The following IL17D variants were observed in gnomAD, a reference collection of about 807,000 sequenced individuals.
IL17D encodes interleukin-17D.
In IL17D, 10 loss-of-function variants were observed where a neutral mutation model predicts 5.7. The observed-to-expected ratio is 1.75, with a 90% CI of 1.08 to 2.97. IL17D has a LOEUF of 2.97. Ranked by LOEUF, IL17D falls within the 30% of genes most tolerant of loss-of-function variation. IL17D has a pLI of 0.00. For synonymous variants in IL17D, 172 were observed against 141.7 expected, an observed-to-expected ratio of 1.21 and a Z score of -1.52; for missense variants, 354 against 292.7, an observed-to-expected ratio of 1.21 and a Z score of -1.53.
Position 20,722,014 on chromosome 13 carries a change from C to A in IL17D, c.*60C>A. 7.1e-7 allele frequency: 1 copy of A among 1,408,450 alleles called. No individual in the cohort carries two copies. The highest frequency in any genetic ancestry group is 1.4e-5 in the South Asian group (1 of 70,722). The allele number at this position is 1,408,450 out of a possible 1,614,324, so 87.2% of individuals were successfully genotyped here. A position where few individuals can be genotyped will look rare whatever the true frequency, so the allele number is the denominator to read the frequency against. On this transcript the variant is annotated 3_prime_UTR_variant, in exon 2 of 2. Transcript: ENST00000682841. ...CATCCCGAGGCGCCCAAGCTGGAGC[C>A]GCCTGGAGGGCTCGGTCGGCGACCT...
rs1039099638 is a variant in IL17D at position 20,722,072 on chromosome 13, G to A, written c.*118G>A. The A allele has an allele frequency of 6.1e-6, 5 of 815,326 alleles. No individual in the cohort carries two copies. The highest frequency in any genetic ancestry group is 1.8e-5 in the African/African-American group (1 of 55,990). The allele number at this position is 815,326 out of a possible 1,614,324, so 50.5% of individuals were successfully genotyped here. On this transcript the variant is annotated 3_prime_UTR_variant, in exon 2 of 2. Coordinates refer to ENST00000682841, the MANE Select transcript of IL17D (RefSeq NM_001385224.1). The stretch of plus-strand genomic sequence containing the variant: ...GAGTGCACCGAGCAAACCAAGTGCC[G>A]GAGCACCAGCGCCGCCTTTCCATGG...
Position 20,704,308 on chromosome 13 carries a change from T to C in IL17D, c.290+17T>C, listed in dbSNP as rs1191015604. 4 of 904,476 alleles carry C rather than the reference T, an allele frequency of 4.4e-6. No individual in the cohort carries two copies. 56.0% of individuals were successfully genotyped at this position (904,476 alleles called of 1,614,324 possible). ...GGCCTACAGGTGAGCCGCGGGCGCGTCCTGGCGGGGCCCGGCAGGTGGGGA... is the reference window on the plus strand; with the variant it reads ...GGCCTACAGGTGAGCCGCGGGCGCGCCCTGGCGGGGCCCGGCAGGTGGGGA... On this transcript the variant is annotated intron_variant, in intron 1 of 1. Transcript: ENST00000682841.
chr13:20,717,656 C>CGCGGCACCCCCCTTA (rs1391152906), intron 1 of IL17D, among the ~76,000 whole-genome samples: 1 of 152,190 alleles, frequency 6.6e-6, no homozygotes, highest in African/African-American at 2.4e-5. Context: ...ATGGTAGATG[C>CGCGGCACCCCCCTTA]GCGGCACCCC....
At chr13:20,712,611 C>G (rs2058648150) in intron 1 of IL17D, 1 of 152,098 alleles carries the variant, frequency 6.6e-6, no homozygotes, top group Non-Finnish European at 1.5e-5. Context: ...CCCATTTATC[C>G]TCTACCCCTT....
chr13:20,705,982 G>A (rs564917307), intron 1 of IL17D, among the ~76,000 whole-genome samples: 2 of 152,254 alleles, frequency 1.3e-5, no homozygotes, highest in South Asian at 2.1e-4. Context: ...TCTCCCTGCC[G>A]GCTGCTGGGT....
chr13:20,703,594 C>CG, upstream of IL17D: 1 of 214,218 alleles, frequency 4.7e-6, no homozygotes, highest in South Asian at 1.6e-4. Context: ...GGGGCTCCCT[C>CG]GCTGGCGGCG....
At chr13:20,701,693 T>C (rs998043688), upstream of IL17D, 5 of 152,126 alleles carry the variant, frequency 3.3e-5, no homozygotes, top group East Asian at 9.6e-4. Context: ...ATGTCTTAGG[T>C]TTGAACTTAC....
intron 1 of IL17D, among the ~76,000 whole-genome samples, chr13:20,706,223 T>G (rs1005113804): frequency 1.3e-5 from 2 of 152,186 alleles, no homozygotes; most frequent in African/African-American, 2.4e-5. Flanking sequence ...TTCATTCTGG[T>G]ATCTTGGTGC....
chr13:20,722,328 C>A lies in IL17D; in HGVS notation c.*374C>A. 1 of 234,362 alleles carries A rather than the reference C, an allele frequency of 4.3e-6. No homozygotes were observed. The allele number at this position is 234,362 out of a possible 1,614,324, so 14.5% of individuals were successfully genotyped here. On this transcript the variant is annotated 3_prime_UTR_variant, in exon 2 of 2. Transcript: ENST00000682841. ...GGTGCTTGCCAAAGAGATAGGGACG[C>A]ATATGCTTTTTAAAGCAATCTAAAA...
At chr13:20,709,049 A>G (rs1269939588) in intron 1 of IL17D, among the ~76,000 whole-genome samples, 1 of 151,712 alleles carries the variant, frequency 6.6e-6, no homozygotes, top group African/African-American at 2.4e-5. Context: ...TTCCCGGGGA[A>G]GGAAGGTCAA....
rs547798077 is a variant in IL17D at position 20,719,006 on chromosome 13, C to G, written c.291-2630C>G. Among the ~76,000 whole-genome samples the G allele has an allele frequency of 8.3e-4, 120 of 145,304 alleles. 1 individual carries two copies. The South Asian group carries it at 0.025, about 30-fold the overall frequency. ...TGCCCACTCACACACCCACACATGC[C>G]CATGCTCACACATGCCCACACAGAC... On this transcript the variant is annotated intron_variant, in intron 1 of 1. Transcript: ENST00000682841.
intron 1 of IL17D, among the ~76,000 whole-genome samples, chr13:20,719,329 CCA>C (rs1211248665): frequency 1.4e-5 from 2 of 147,940 alleles, no homozygotes; most frequent in Admixed American, 1.3e-4. Context: ...ACTCAGATGC[CCA>C]CACTCACCCA....
rs1264633245 is a variant in IL17D, at chr13:20,703,960, G to C, written c.-42G>C. On this transcript the variant is annotated 5_prime_UTR_variant, in exon 1 of 2. Coordinates refer to ENST00000682841, the MANE Select transcript of IL17D (RefSeq NM_001385224.1). ...GCGCGGGGCGCAGGCGGGCTCCTCC[G>C]GCGCGTGCGGACGCTGAGCGTGGCC... 6 of 992,094 alleles carry C rather than the reference G, an allele frequency of 6.0e-6. No homozygotes were observed. Among genetic ancestry groups the C allele is most frequent in the Non-Finnish European group, 7.2e-6 (6 of 834,024 alleles). 61.5% of individuals were successfully genotyped at this position (992,094 alleles called of 1,614,324 possible).
chr13:20,715,458 G>A (rs1013914429), intron 1 of IL17D, among the ~76,000 whole-genome samples: 13 of 152,176 alleles, frequency 8.5e-5, no homozygotes, highest in African/African-American at 2.9e-4. Flanking sequence ...CCAGTTGTTT[G>A]CCATCAGCTG....
At chr13:20,714,699 C>T (rs1455046403) in intron 1 of IL17D, among the ~76,000 whole-genome samples, 4 of 152,204 alleles carry the variant, frequency 2.6e-5, no homozygotes, top group Non-Finnish European at 2.9e-5. Context: ...AGTGGGGATC[C>T]GTGCCCTGGG....
Position 20,704,233 on chromosome 13 carries a change from G to C in IL17D, c.232G>C (p.Ala78Pro). 1 of 1,320,578 alleles carries C rather than the reference G, an allele frequency of 7.6e-7. No individual in the cohort carries two copies. Among genetic ancestry groups the C allele is most frequent in the Non-Finnish European group, 9.7e-7 (1 of 1,035,910 alleles). The allele number at this position is 1,320,578 out of a possible 1,614,324, so 81.8% of individuals were successfully genotyped here. A position where few individuals can be genotyped will look rare whatever the true frequency, so the allele number is the denominator to read the frequency against. ...NASCPAGGRP[A>P]DRRFRPPTNL... ...GAGCTGCCCGGCAGGGGGCAGGCCC[G>C]CCGACCGCCGCTTCCGGCCGCCCAC... Residue 78 changes from alanine (A) to proline (P), a missense_variant, in exon 1 of 2, where the codon GCC becomes CCC. Coordinates refer to ENST00000682841, the MANE Select transcript of IL17D (RefSeq NM_001385224.1).
intron 1 of IL17D, among the ~76,000 whole-genome samples, chr13:20,721,117 A>G (rs1361906294): frequency 6.6e-6 from 1 of 151,222 alleles, no homozygotes; most frequent in Non-Finnish European, 1.5e-5. Flanking sequence ...CTTGTCCTTC[A>G]CTCCCGTGGG....
chr13:20,722,769 A>T lies in IL17D; in HGVS notation c.*815A>T, dbSNP rs2058747537. 1 of 152,078 alleles carries T rather than the reference A, an allele frequency of 6.6e-6. No homozygotes were observed. The highest frequency in any genetic ancestry group is 2.1e-4 in the South Asian group (1 of 4,816). The allele number at this position is 152,078 out of a possible 1,614,324, so 9.4% of individuals were successfully genotyped here. A position where few individuals can be genotyped will look rare whatever the true frequency, so the allele number is the denominator to read the frequency against. ...ACATAAACAGTCTCAAACTCGCACAATTTTTTCCCCCTTTTGAAAGCCACT... is the reference window on the plus strand; with the variant it reads ...ACATAAACAGTCTCAAACTCGCACATTTTTTTCCCCCTTTTGAAAGCCACT... On this transcript the variant is annotated 3_prime_UTR_variant, in exon 2 of 2. Transcript: ENST00000682841.
chr13:20,718,800 A>C (rs1474591821), intron 1 of IL17D, among the ~76,000 whole-genome samples: 1 of 136,562 alleles, frequency 7.3e-6, no homozygotes, highest in African/African-American at 2.8e-5. Context: ...ACACCTGCCC[A>C]CGCTCACCCC....
Sources: gnomAD v4.1 joint callset for allele counts (sites outside exome capture counted in the v4.1 genomes callset) on GRCh38, gnomAD v4.1.1 for gene constraint, MANE v1.5 for transcripts, NCBI Gene and HGNC (gene_info 2026-07-23, HGNC 2026-07-21) for gene names.